Variants in PUDP observed in about 807,000 individuals in gnomAD.
PUDP encodes pseudouridine-5'-phosphatase.
A neutral mutation model predicts 9.4 loss-of-function variants in PUDP; 8 were observed. That is an observed-to-expected ratio of 0.85 (90% confidence interval 0.50 to 1.53). The LOEUF is 1.53. Among genes scored for constraint, PUDP ranks in the 40% most tolerant of loss-of-function variants. The pLI, the probability that PUDP is intolerant of heterozygous loss-of-function variation, is 0.00. For synonymous variants in PUDP, 99 were observed against 80.7 expected (o/e 1.23, Z -1.22); for missense variants, 188 against 189.7 (o/e 0.99, Z 0.05).
intron 1 of PUDP, among the ~76,000 whole-genome samples, chrX:7,141,481 C>A (rs987926398): frequency 1.8e-5 from 2 of 113,001 alleles, no homozygotes; most frequent in African/African-American, 6.4e-5. Context: ...GAGAAAGCTG[C>A]AGAAGAAAAG....
intron 3 of PUDP, among the ~76,000 whole-genome samples, chrX:6,930,324 A>G (rs947205111): frequency 9.0e-6 from 1 of 111,606 alleles, no homozygotes; most frequent in Non-Finnish European, 1.9e-5. Flanking sequence ...TAAAGACCCT[A>G]CTGATAAGAC....
intron 3 of PUDP, among the ~76,000 whole-genome samples, chrX:6,732,041 T>C (rs1388568807): frequency 8.9e-6 from 1 of 112,124 alleles, no homozygotes; most frequent in Non-Finnish European, 1.9e-5. Context: ...CAAAAGTTAT[T>C]TCTGGAGAGC....
chrX:6,874,935 A>T (rs958991682), intron 3 of PUDP, among the ~76,000 whole-genome samples: 1 of 112,449 alleles, frequency 8.9e-6, no homozygotes, highest in Non-Finnish European at 1.9e-5. Flanking sequence ...AGAAAGAAAC[A>T]ACCTGAGACA....
chrX:6,761,442 C>A lies in PUDP; in HGVS notation c.*248-54976G>T, dbSNP rs754275127. On this transcript the variant is annotated intron_variant and NMD_transcript_variant, in intron 3 of 3. Coordinates refer to the PUDP transcript ENST00000655425. ...GTGAACACTTGGACTATTTCCTTTA[C>A]ACATGGCCACACCCCAATGCTTAAT... 2.7e-5 allele frequency among the ~76,000 whole-genome samples: 3 copies of A among 112,166 alleles called. No homozygotes were observed. In the South Asian group the frequency reaches 1.1e-3, roughly 42 times the overall value.
At chrX:6,890,074 G>A (rs1927489993) in intron 3 of PUDP, among the ~76,000 whole-genome samples, 1 of 111,694 alleles carries the variant, frequency 9.0e-6, no homozygotes, top group African/African-American at 3.3e-5. Flanking sequence ...CTGGAAACCA[G>A]GAAGACAAGA....
chrX:6,992,296 G>A (rs1172311470), intron 1 of PUDP, among the ~76,000 whole-genome samples: 3 of 71,181 alleles, frequency 4.2e-5, no homozygotes, highest in Admixed American at 1.9e-4. Context: ...TTTTTGAGAC[G>A]GAGTCTCGCT....
At chrX:7,142,641 A>ATTTTTTT (rs57612819) in intron 1 of PUDP, among the ~76,000 whole-genome samples, 1 of 80,956 alleles carries the variant, frequency 1.2e-5, no homozygotes, top group Non-Finnish European at 2.3e-5. Context: ...GAGGACTCCA[A>ATTTTTTT]TTTTTTTTTT....
In PUDP at chrX:7,036,173, C is replaced by T. The variant is rs1359824390; in HGVS notation, c.204+41047G>A. On this transcript the variant is annotated intron_variant and NMD_transcript_variant, in intron 1 of 3. Coordinates refer to the PUDP transcript ENST00000655425. The stretch of plus-strand genomic sequence containing the variant: ...TATAAATTATCCAGCCTCAGGTATT[C>T]TTTATAGCAACACAAAAGGGACAAG... 4.5e-5 allele frequency among the ~76,000 whole-genome samples: 5 copies of T among 112,000 alleles called. No individual in the cohort carries two copies. The South Asian group carries it at 1.9e-3, about 42-fold the overall frequency.
intron 3 of PUDP, among the ~76,000 whole-genome samples, chrX:6,951,994 G>T (rs1016739614): frequency 9.0e-6 from 1 of 111,073 alleles, no homozygotes; most frequent in Non-Finnish European, 1.9e-5. Context: ...CTAAAACCTG[G>T]GTAGTTAATT....
intron 3 of PUDP, among the ~76,000 whole-genome samples, chrX:6,964,178 A>G (rs1197386688): frequency 8.9e-6 from 1 of 112,480 alleles, no homozygotes; most frequent in African/African-American, 3.2e-5. Flanking sequence ...TCAAATGGCC[A>G]TAATACTTGT....
At chrX:6,803,432 T>C (rs1925998440) in intron 3 of PUDP, among the ~76,000 whole-genome samples, 1 of 111,923 alleles carries the variant, frequency 8.9e-6, no homozygotes, top group African/African-American at 3.2e-5. Context: ...AAAACTGAGA[T>C]GAAATACATT....
chrX:7,013,778 G>T (rs945400754), intron 1 of PUDP, among the ~76,000 whole-genome samples: 1 of 111,742 alleles, frequency 8.9e-6, no homozygotes, highest in African/African-American at 3.3e-5. Context: ...GTCTGGGGAG[G>T]GGGGGTGCCT....
intron 3 of PUDP, among the ~76,000 whole-genome samples, chrX:7,055,458 G>C (rs904122065): frequency 1.3e-4 from 14 of 110,798 alleles, no homozygotes; most frequent in African/African-American, 3.6e-4. Context: ...GTTTCGCCAT[G>C]TTGGCCAGGC....
At chrX:7,111,330 T>C (rs1340953792) in intron 1 of PUDP, among the ~76,000 whole-genome samples, 1 of 111,647 alleles carries the variant, frequency 9.0e-6, no homozygotes, top group East Asian at 2.8e-4. Context: ...TACCCTCATG[T>C]TCATACAAGA....
In PUDP at chrX:6,856,622, T is replaced by G. The variant is rs569710992; in HGVS notation, c.*247+120511A>C. On this transcript the variant is annotated intron_variant and NMD_transcript_variant, in intron 3 of 3. Transcript: ENST00000655425. ...AAATTTTCCTTTTTCAAACCTACACTGTCGCAAAACACTTTCTGATGCTGG... is the reference window on the plus strand; with the variant it reads ...AAATTTTCCTTTTTCAAACCTACACGGTCGCAAAACACTTTCTGATGCTGG... Among the ~76,000 whole-genome samples the G allele has an allele frequency of 3.6e-5, 4 of 112,203 alleles. No homozygotes were observed. The South Asian group carries it at 1.5e-3, about 42-fold the overall frequency.
intron 2 of PUDP, among the ~76,000 whole-genome samples, chrX:7,100,890 G>A (rs1310683714): frequency 2.7e-5 from 3 of 111,983 alleles, no homozygotes; most frequent in Non-Finnish European, 5.6e-5. Flanking sequence ...GTCCAACATT[G>A]TCCTCCTCTG....
At chrX:7,109,437 G>A (rs1409082994) in intron 1 of PUDP, among the ~76,000 whole-genome samples, 1 of 112,232 alleles carries the variant, frequency 8.9e-6, no homozygotes. Context: ...GTGCTCCGTG[G>A]AACTCTGACT....
intron 3 of PUDP, among the ~76,000 whole-genome samples, chrX:6,752,451 G>C (rs1925107456): frequency 8.9e-6 from 1 of 111,922 alleles, no homozygotes; most frequent in African/African-American, 3.2e-5. Context: ...AAGGTGGCCT[G>C]ATCCAGGCTG....
At chrX:6,992,397 C>T (rs1199566066) in intron 1 of PUDP, among the ~76,000 whole-genome samples, 1 of 94,951 alleles carries the variant, frequency 1.1e-5, no homozygotes, top group African/African-American at 3.7e-5. Context: ...CTCAGCCTCC[C>T]GAGTAGCTGG....
Sources: gnomAD v4.1 joint callset for allele counts (sites outside exome capture counted in the v4.1 genomes callset) on GRCh38, gnomAD v4.1.1 for gene constraint, MANE v1.5 for transcripts, NCBI Gene and HGNC (gene_info 2026-07-23, HGNC 2026-07-21) for gene names.